DEPTOR: variants seen among roughly 807,000 people sequenced by gnomAD.
The protein encoded by DEPTOR is DEP domain containing MTOR interacting protein, also known as DEP domain-containing mTOR-interacting protein.
Under a neutral mutation model 41.6 loss-of-function variants are expected in DEPTOR, and 41 were observed. The observed-to-expected ratio is 0.98, with a 90% confidence interval of 0.77 to 1.28. The LOEUF (loss-of-function observed/expected upper bound fraction) is 1.28, where lower values mean the gene tolerates loss of function less well. Among genes scored for constraint, DEPTOR ranks in the 50% most tolerant of loss-of-function variants. The pLI is 0.00. For missense variants in DEPTOR, 514 were observed against 527.9 expected, an observed-to-expected ratio of 0.97 and a Z score of 0.26; for synonymous variants, 195 against 192.3, an observed-to-expected ratio of 1.01 and a Z score of -0.12.
intron 3 of DEPTOR, among the ~76,000 whole-genome samples, chr8:119,943,407 G>A (rs572090848): frequency 6.6e-6 from 1 of 152,158 alleles, no homozygotes; most frequent in Non-Finnish European, 1.5e-5. Context: ...ATGACAGCAG[G>A]TGAGGGTGAG....
chr8:119,993,784 G>C (rs1469642340), intron 4 of DEPTOR, among the ~76,000 whole-genome samples: 1 of 145,422 alleles, frequency 6.9e-6, no homozygotes, highest in African/African-American at 2.6e-5. Flanking sequence ...TTTTTTCTGT[G>C]TTTAACAAAA....
At chr8:119,920,443 C>A (rs1265773874) in intron 1 of DEPTOR, among the ~76,000 whole-genome samples, 1 of 152,088 alleles carries the variant, frequency 6.6e-6, no homozygotes, top group Non-Finnish European at 1.5e-5. Flanking sequence ...TGTTTTCTGG[C>A]TTTGGAAGGC....
At chr8:119,958,733 G>A (rs530224918) in intron 3 of DEPTOR, among the ~76,000 whole-genome samples, 1 of 152,194 alleles carries the variant, frequency 6.6e-6, no homozygotes, top group Admixed American at 6.6e-5. Context: ...AGTGAGCCGA[G>A]ATCACGTCAC....
At chr8:119,899,124 G>A (rs1181364350) in intron 1 of DEPTOR, among the ~76,000 whole-genome samples, 2 of 152,138 alleles carry the variant, frequency 1.3e-5, no homozygotes, top group African/African-American at 4.8e-5. Flanking sequence ...AAGTCATACT[G>A]TTCTTCAGCT....
chr8:119,946,581 A>G (rs1431353056), intron 3 of DEPTOR, among the ~76,000 whole-genome samples: 2 of 152,016 alleles, frequency 1.3e-5, no homozygotes, highest in African/African-American at 4.8e-5. Flanking sequence ...CTAAAAATAC[A>G]AAGTTAGCCG....
At chr8:120,019,686 A>G (rs1375495560) in intron 8 of DEPTOR, among the ~76,000 whole-genome samples, 3 of 152,240 alleles carry the variant, frequency 2.0e-5, no homozygotes, top group Non-Finnish European at 2.9e-5. Context: ...CATGCCGGTC[A>G]GCCATGTCGT....
chr8:119,899,876 T>A (rs1827564276), intron 1 of DEPTOR, among the ~76,000 whole-genome samples: 1 of 152,212 alleles, frequency 6.6e-6, no homozygotes, highest in South Asian at 2.1e-4. Flanking sequence ...TAGCTTTCCC[T>A]TGAATTTATA....
chr8:119,990,878 A>G (rs1430575958), intron 4 of DEPTOR, among the ~76,000 whole-genome samples: 2 of 152,160 alleles, frequency 1.3e-5, no homozygotes, highest in Non-Finnish European at 2.9e-5. Context: ...CACCGTTTTT[A>G]TGGAGTAGGC....
rs34482727 is a variant in DEPTOR at position 119,975,870 on chromosome 8, C to CTT, written c.604+10487_604+10488dup. Among the ~76,000 whole-genome samples, 25 of 65,312 alleles carry CTT rather than the reference C, an allele frequency of 3.8e-4. 1 individual carries two copies. The highest frequency in any genetic ancestry group is 9.7e-4 in the African/African-American group (15 of 15,398). The allele number at this position is 65,312 out of a possible 152,430, so 42.8% of individuals were successfully genotyped here. On this transcript the variant is annotated intron_variant, in intron 4 of 8. Transcript: ENST00000286234. ...CCTGCTCTCCTACTCATGCTTGCTC[C>CTT]TTTTTTTTTTTTTTTTTTTTTTTTT...
At chr8:119,900,161 A>T (rs142963468) in intron 1 of DEPTOR, among the ~76,000 whole-genome samples, 6 of 151,770 alleles carry the variant, frequency 4.0e-5, no homozygotes, top group African/African-American at 1.5e-4. Flanking sequence ...TTTACTAAAG[A>T]TACAAAATAT....
At chr8:119,991,088 T>TCTTTCTTTCTTTCTTTTTC (rs1812163175) in intron 4 of DEPTOR, among the ~76,000 whole-genome samples, 1 of 45,796 alleles carries the variant, frequency 2.2e-5, no homozygotes, top group South Asian at 4.9e-4. Context: ...CTTTCTTTCT[T>TCTTTCTTTCTTTCTTTTTC]TTTCTTTCTT....
chr8:119,916,477 A>T (rs560355983), intron 1 of DEPTOR, among the ~76,000 whole-genome samples: 1 of 152,112 alleles, frequency 6.6e-6, no homozygotes, highest in Admixed American at 6.6e-5. Context: ...ATTCAGATGT[A>T]AGGTTATTAC....
At chr8:119,915,305 T>C (rs1289996913) in intron 1 of DEPTOR, among the ~76,000 whole-genome samples, 1 of 152,206 alleles carries the variant, frequency 6.6e-6, no homozygotes, top group African/African-American at 2.4e-5. Context: ...ATATTTGATC[T>C]TTCTATATAT....
At chr8:119,985,001 A>G (rs1055294011) in intron 4 of DEPTOR, among the ~76,000 whole-genome samples, 2 of 152,198 alleles carry the variant, frequency 1.3e-5, no homozygotes, top group Admixed American at 1.3e-4. Context: ...CCTGGCCTAC[A>G]TAGTGACTAA....
At chr8:119,893,738 G>T (rs1827479533) in intron 1 of DEPTOR, among the ~76,000 whole-genome samples, 1 of 150,648 alleles carries the variant, frequency 6.6e-6, no homozygotes, top group Non-Finnish European at 1.5e-5. Context: ...TGAGGCAGGA[G>T]AATTGCTTGA....
chr8:119,973,484 C>T (rs536920217), intron 4 of DEPTOR, among the ~76,000 whole-genome samples: 15 of 152,222 alleles, frequency 9.9e-5, no homozygotes, highest in Non-Finnish European at 1.8e-4. Context: ...GATCCTCCAG[C>T]CTTGGCCTCC....
chr8:119,928,651 TAAGA>T, intron 2 of DEPTOR, 73 bp downstream of exon 2: 6 of 1,491,556 alleles, frequency 4.0e-6, no homozygotes, highest in Non-Finnish European at 5.4e-6. Flanking sequence ...CATACCCACT[TAAGA>T]AAGAAAACAT....
intron 8 of DEPTOR, among the ~76,000 whole-genome samples, chr8:120,041,068 A>G (rs1403474746): frequency 6.6e-6 from 1 of 152,214 alleles, no homozygotes; most frequent in Non-Finnish European, 1.5e-5. Flanking sequence ...AGTCAGAAGC[A>G]GCCTTCCCCT....
chr8:119,940,081 G>A (rs113701509), intron 3 of DEPTOR, among the ~76,000 whole-genome samples: 1 of 151,924 alleles, frequency 6.6e-6, no homozygotes, highest in Non-Finnish European at 1.5e-5. Flanking sequence ...TCCAAGCTTG[G>A]TGGTGCATGC....
Sources: allele counts gnomAD v4.1 joint callset (sites outside exome capture counted in the v4.1 genomes callset), GRCh38; gene constraint gnomAD v4.1.1; transcripts MANE v1.5; gene names NCBI Gene and HGNC (gene_info 2026-07-23, HGNC 2026-07-21).